TTBK1: variants seen among roughly 807,000 people sequenced by gnomAD.
TTBK1 encodes the protein tau-tubulin kinase 1.
In TTBK1, 34 loss-of-function variants were observed where a neutral mutation model predicts 108.5. The observed-to-expected ratio is 0.31, with a 90% CI of 0.24 to 0.42. The LOEUF is 0.42. Ranked by LOEUF, TTBK1 falls within the 10% of genes least tolerant of loss-of-function variation. The pLI, the probability that TTBK1 is intolerant of heterozygous loss-of-function variation, is 1.00. For missense variants in TTBK1, 1,539 were observed against 1,826.0 expected (o/e 0.84, Z 2.86); for synonymous variants, 809 against 795.1 (o/e 1.02, Z -0.29).
At position 43,254,647 on chromosome 6, in the gene TTBK1, G is replaced by A. The variant is rs1337763977; in HGVS notation, c.572G>A (p.Arg191Gln). 1 of 1,571,590 alleles carries A rather than the reference G, an allele frequency of 6.4e-7. No individual in the cohort carries two copies. The highest frequency in any genetic ancestry group is 8.6e-7 in the Non-Finnish European group (1 of 1,160,638). Residue 191 changes from arginine (R) to glutamine (Q), a missense_variant, in exon 6 of 15, where the codon CGG (arginine) becomes CAG (glutamine). This residue lies in a region of TTBK1 where 155 missense variants were observed against 348.5 expected (regional missense o/e 0.44). Transcript: ENST00000259750. ...TACACCAACACCACGGGGGATGTGC[G>A]GCCCGTGAGTACCGTCGGGGCGGGG... ...RQYTNTTGDV[R>Q]PPRNVAGFRG...
rs1778198267 is a variant in TTBK1 at position 43,282,659 on chromosome 6, CA to C, written c.1987-67del. 7.4e-7 allele frequency: 1 copy of C among 1,345,624 alleles called. No homozygotes were observed. The allele number at this position is 1,345,624 out of a possible 1,614,324, so 83.4% of individuals were successfully genotyped here. A position where few individuals can be genotyped will look rare whatever the true frequency, so the allele number is the denominator to read the frequency against. On this transcript the variant is annotated intron_variant, in intron 13 of 14. Coordinates refer to ENST00000259750, the MANE Select transcript of TTBK1 (RefSeq NM_032538.3). The surrounding 1 kb of genome is among the most constrained non-coding windows in gnomAD (Gnocchi z 5.4). ...CTGTGAGTCTCCTAGGTTGTGGGTG[CA>C]GCTGAAGTCTTCCTGGGCCCAGGAG...
chr6:43,255,008 G>A lies in TTBK1; in HGVS notation c.577-41G>A, dbSNP rs759082024. 27 of 1,598,670 alleles carry A rather than the reference G, an allele frequency of 1.7e-5. No homozygotes were observed. The East Asian group carries it at 4.2e-4, about 25-fold the overall frequency. On this transcript the variant is annotated intron_variant, in intron 6 of 14. Coordinates refer to ENST00000259750, the MANE Select transcript of TTBK1 (RefSeq NM_032538.3). ...CAGGGTTGAGAGGTGGCTGAGGTGA[G>A]GGCATGGTGGGTGACGTTCTTGGTG... is the stretch of plus-strand genomic sequence containing the variant.
intron 13 of TTBK1, chr6:43,271,181 G>C (rs1027769718): frequency 1.0e-6 from 1 of 985,394 alleles, no homozygotes; most frequent in Non-Finnish European, 1.2e-6. Context: ...GGCCGTGCCT[G>C]TATGGGGAGG....
intron 13 of TTBK1, chr6:43,272,384 T>C (rs1777857929): frequency 1.0e-6 from 1 of 985,344 alleles, no homozygotes; most frequent in Admixed American, 6.1e-5. Flanking sequence ...TCAGCCTCAT[T>C]TCAGCATTAC....
intron 12 of TTBK1, among the ~76,000 whole-genome samples, chr6:43,260,721 A>G (rs1777518283): frequency 6.6e-6 from 1 of 152,166 alleles, no homozygotes; most frequent in African/African-American, 2.4e-5. Flanking sequence ...CTTTTAGAAA[A>G]CAAGAAGCAA....
intron 13 of TTBK1, among the ~76,000 whole-genome samples, chr6:43,281,761 A>G (rs1469436756): frequency 6.6e-6 from 1 of 152,196 alleles, no homozygotes; most frequent in Non-Finnish European, 1.5e-5. Flanking sequence ...AGTGCTGGAC[A>G]TCGTCAGCAC....
chr6:43,263,899 G>A lies in TTBK1; in HGVS notation c.1986+549G>A, dbSNP rs188923475. On this transcript the variant is annotated intron_variant, in intron 13 of 14. Coordinates refer to ENST00000259750, the MANE Select transcript of TTBK1 (RefSeq NM_032538.3). The surrounding 1 kb of genome is among the most constrained non-coding windows in gnomAD (Gnocchi z 4.7). ...CTGAAATGAGATGCAAGCAGGCCACGTGGCAGGCAGTGGCAAGAGAGTGTC... is the reference window on the plus strand; with the variant it reads ...CTGAAATGAGATGCAAGCAGGCCACATGGCAGGCAGTGGCAAGAGAGTGTC... Among the ~76,000 whole-genome samples, 27 of 152,298 alleles carry A rather than the reference G, an allele frequency of 1.8e-4. No individual in the cohort carries two copies. Among genetic ancestry groups the A allele is most frequent in the African/African-American group, 6.0e-4 (25 of 41,556 alleles).
chr6:43,267,886 G>A (rs1004232735), intron 13 of TTBK1, among the ~76,000 whole-genome samples: 1 of 152,164 alleles, frequency 6.6e-6, no homozygotes, highest in Non-Finnish European at 1.5e-5. Flanking sequence ...GTGTGCTAGG[G>A]GCTGGGGGAC....
chr6:43,251,699 A>AG (rs1777244540), intron 2 of TTBK1, among the ~76,000 whole-genome samples: 1 of 151,948 alleles, frequency 6.6e-6, no homozygotes, highest in Non-Finnish European at 1.5e-5. Flanking sequence ...GGGAGGCTGG[A>AG]GGGGGGAGAC....
chr6:43,253,260 G>C lies in TTBK1; in HGVS notation c.257-31G>C, dbSNP rs1223952173. The stretch of plus-strand genomic sequence containing the variant: ...GTTGGAAATGAGGAAGAAAGAGTAA[G>C]AGCTGGAAGACCTATGTCTGTGCCC... On this transcript the variant is annotated intron_variant, in intron 3 of 14. Transcript: ENST00000259750. The surrounding 1 kb of genome is among the most constrained non-coding windows in gnomAD (Gnocchi z 5.8). 1.2e-6 allele frequency: 2 copies of C among 1,611,854 alleles called. No individual in the cohort carries two copies. The highest frequency in any genetic ancestry group is 1.3e-5 in the African/African-American group (1 of 74,944).
In TTBK1 at chr6:43,262,885, G is replaced by A. The variant is rs1191291171; in HGVS notation, c.1521G>A (p.Gln507=). The A allele has an allele frequency of 6.2e-7, 1 of 1,613,578 alleles. No individual in the cohort carries two copies. The highest frequency in any genetic ancestry group is 1.1e-5 in the South Asian group (1 of 91,010). Residue 507 remains glutamine, a synonymous_variant, in exon 13 of 15, where the codon CAG becomes CAA. Transcript: ENST00000259750. The part of the protein sequence containing the change: ...LSVDTGHADR[Q]ASGRMDVSAS... ...TGGACACAGGCCACGCTGACCGACAGGCCAGTGGCCGCATGGACGTGTCAG... is the reference window on the plus strand; with the variant it reads ...TGGACACAGGCCACGCTGACCGACAAGCCAGTGGCCGCATGGACGTGTCAG...
Position 43,284,270 on chromosome 6 carries a change from C to A in TTBK1, c.3530C>A (p.Ser1177Tyr). Residue 1177 changes from serine (S) to tyrosine (Y), a missense_variant, in exon 14 of 15, where the codon TCC becomes TAC. By Grantham distance (144) the Ser-to-Tyr change is moderately radical. Transcript: ENST00000259750. ...PVAAQQPASRSHGAAPALDTA... is the reference protein window; with the variant it reads ...PVAAQQPASRYHGAAPALDTA... Reference sequence around the variant, plus strand: ...GCAGCCCAGCAGCCCGCCAGCAGATCCCATGGCGCGGCCCCAGCATTGGAC... The same window carrying A: ...GCAGCCCAGCAGCCCGCCAGCAGATACCATGGCGCGGCCCCAGCATTGGAC... 1 of 1,589,926 alleles carries A rather than the reference C, an allele frequency of 6.3e-7. No homozygotes were observed. The highest frequency in any genetic ancestry group is 8.5e-7 in the Non-Finnish European group (1 of 1,173,834).
intron 6 of TTBK1, 81 bp from the exon 7 acceptor site, chr6:43,254,968 A>C (rs1296305962): frequency 1.5e-6 from 2 of 1,374,098 alleles, no homozygotes; most frequent in Non-Finnish European, 2.1e-6. Context: ...CAGGGTGAAG[A>C]GTTAGACTTG....
At position 43,262,815 on chromosome 6, in the gene TTBK1, C is replaced by T. The variant is rs1777576702; in HGVS notation, c.1451C>T (p.Pro484Leu). ...TCACGGATGGATCTGCCTGGCTCGC[C>T]CTCGCGCCAGGCCTGCTCCTCTCAG... ...RRSRMDLPGS[P>L]SRQACSSQPA... Residue 484 changes from proline (P) to leucine (L), a missense_variant, in exon 13 of 15, where the codon CCC becomes CTC. Pro to Leu is a moderately conservative substitution (Grantham distance 98). This residue lies in a region of TTBK1 where 277 missense variants were observed against 332.4 expected (regional missense o/e 0.83). Transcript: ENST00000259750. 5.1e-6 allele frequency: 8 copies of T among 1,582,686 alleles called. No individual in the cohort carries two copies. The highest frequency in any genetic ancestry group is 2.3e-5 in the South Asian group (2 of 88,020).
In TTBK1 at chr6:43,259,034, C is replaced by G; in HGVS notation, c.1017-4C>G. 1 of 1,609,174 alleles carries G rather than the reference C, an allele frequency of 6.2e-7. No individual in the cohort carries two copies. Among genetic ancestry groups the G allele is most frequent in the Non-Finnish European group, 8.5e-7 (1 of 1,177,186 alleles). ...TGCCCATGGCTCCCTCCTGCCCTCT[C>G]CAGGGTGGTCAATGTGACGCCAGTG... is the stretch of plus-strand genomic sequence containing the variant. On this transcript the variant is annotated splice_polypyrimidine_tract_variant and splice_region_variant and intron_variant, in intron 10 of 14. Coordinates refer to ENST00000259750, the MANE Select transcript of TTBK1 (RefSeq NM_032538.3). This position sits in a 1 kb window ranked among gnomAD's most constrained non-coding sequence, Gnocchi z 6.7.
intron 13 of TTBK1, chr6:43,271,919 A>C: frequency 1.0e-6 from 1 of 979,490 alleles, no homozygotes; most frequent in Non-Finnish European, 1.2e-6. Flanking sequence ...CCCAAACCCA[A>C]GCCTCTGTTG....
chr6:43,266,435 CACA>C (rs1777677798), intron 13 of TTBK1, among the ~76,000 whole-genome samples: 1 of 152,166 alleles, frequency 6.6e-6, no homozygotes, highest in African/African-American at 2.4e-5. Context: ...GTATATTCTT[CACA>C]ACAACACTGT....
At position 43,284,273 on chromosome 6, in the gene TTBK1, A is replaced by G; in HGVS notation, c.3533A>G (p.His1178Arg). ...GCCCAGCAGCCCGCCAGCAGATCCCATGGCGCGGCCCCAGCATTGGACACA... is the reference window on the plus strand; with the variant it reads ...GCCCAGCAGCCCGCCAGCAGATCCCGTGGCGCGGCCCCAGCATTGGACACA... ...VAAQQPASRSHGAAPALDTAI... is the reference protein window; with the variant it reads ...VAAQQPASRSRGAAPALDTAI... The change falls in exon 14 of 15, where the codon CAT becomes CGT. Residue 1178 changes from histidine (H) to arginine (R), a missense_variant. By Grantham distance (29) the His-to-Arg change is conservative. Transcript: ENST00000259750. 1 of 1,589,742 alleles carries G rather than the reference A, an allele frequency of 6.3e-7. No homozygotes were observed. The highest frequency in any genetic ancestry group is 8.5e-7 in the Non-Finnish European group (1 of 1,173,610).
chr6:43,285,156 C>A lies in TTBK1; in HGVS notation c.3746C>A (p.Pro1249His). The A allele has an allele frequency of 7.0e-7, 1 of 1,421,536 alleles. No homozygotes were observed. Among genetic ancestry groups the A allele is most frequent in the Non-Finnish European group, 9.1e-7 (1 of 1,095,950 alleles). The allele number at this position is 1,421,536 out of a possible 1,614,324, so 88.1% of individuals were successfully genotyped here. Reference protein sequence around the residue: ...TSAARNASASPRSQSLSRRES... With the variant: ...TSAARNASASHRSQSLSRRES... Reference sequence around the variant, plus strand: ...GCCGCGCGCAATGCCAGCGCGTCCCCCCGGAGCCAGTCCCTGTCCCGCAGA... The same window carrying A: ...GCCGCGCGCAATGCCAGCGCGTCCCACCGGAGCCAGTCCCTGTCCCGCAGA... Residue 1249 changes from proline to histidine, a missense_variant, in exon 15 of 15, where the codon CCC becomes CAC. Physicochemically the swap from Pro to His is moderately conservative, Grantham distance 77 (BLOSUM62 -2). Coordinates refer to ENST00000259750, the MANE Select transcript of TTBK1 (RefSeq NM_032538.3). This position sits in a 1 kb window ranked among gnomAD's most constrained non-coding sequence, Gnocchi z 4.7.
Sources: allele counts gnomAD v4.1 joint callset (sites outside exome capture counted in the v4.1 genomes callset), GRCh38; gene constraint gnomAD v4.1.1; regional missense constraint gnomAD v4.1.1; non-coding constraint Gnocchi (gnomAD v3.1); transcripts MANE v1.5; gene names NCBI Gene and HGNC (gene_info 2026-07-23, HGNC 2026-07-21).